Variants in ABCB11 observed in about 807,000 individuals in gnomAD.
ABCB11 encodes the protein ATP binding cassette subfamily B member 11.
A neutral mutation model predicts 148.0 loss-of-function variants in ABCB11; 95 were observed. The ratio of observed to expected loss-of-function variants is 0.64; its 90% CI spans 0.54 to 0.76. ABCB11 has a LOEUF of 0.76. Among genes scored for constraint, ABCB11 ranks in the 30% least tolerant of loss-of-function variants. The probability of loss-of-function intolerance (pLI) is 0.00; values close to 1 mark genes in which losing one functional copy is unlikely to be tolerated. For missense variants in ABCB11, 1,523 were observed against 1,617.8 expected (o/e 0.94, Z 1.01); for synonymous variants, 591 against 555.4 (o/e 1.06, Z -0.90).
chr2:169,019,475 A>G (rs1695474513), intron 1 of ABCB11, among the ~76,000 whole-genome samples: 2 of 152,196 alleles, frequency 1.3e-5, no homozygotes. Context: ...TCCCATGTAT[A>G]CCAAAATTTG....
chr2:168,975,835 G>T (rs1419626376), intron 12 of ABCB11, among the ~76,000 whole-genome samples: 2 of 149,308 alleles, frequency 1.3e-5, no homozygotes, highest in African/African-American at 4.9e-5. Context: ...TAGGTATGTG[G>T]TGTCAGAATT....
intron 18 of ABCB11, among the ~76,000 whole-genome samples, chr2:168,961,147 C>T (rs1283257986): frequency 6.6e-6 from 1 of 151,682 alleles, no homozygotes; most frequent in African/African-American, 2.4e-5. Context: ...ATACATGCAA[C>T]AAGAGATTTA....
chr2:168,983,243 T>A (rs149771908), intron 10 of ABCB11, among the ~76,000 whole-genome samples: 15 of 152,300 alleles, frequency 9.8e-5, no homozygotes, highest in African/African-American at 3.1e-4. Context: ...ATAAGTTTTC[T>A]CAATGCTTGT....
intron 3 of ABCB11, among the ~76,000 whole-genome samples, chr2:169,014,959 C>T (rs1695308774): frequency 6.6e-6 from 1 of 152,158 alleles, no homozygotes; most frequent in South Asian, 2.1e-4. Flanking sequence ...CTGGACCTTG[C>T]TGTCACCAGG....
chr2:168,930,025 G>A (rs575513973), intron 25 of ABCB11, among the ~76,000 whole-genome samples: 1 of 152,094 alleles, frequency 6.6e-6, no homozygotes, highest in Non-Finnish European at 1.5e-5. Context: ...AAGCAGGGGG[G>A]TGGCTTTTTA....
chr2:168,978,792 C>T (rs1694026465), intron 11 of ABCB11, among the ~76,000 whole-genome samples: 1 of 152,124 alleles, frequency 6.6e-6, no homozygotes. Context: ...AATCATGGCT[C>T]ACTGCAGCCT....
chr2:168,944,721 G>A lies in ABCB11; in HGVS notation c.2494C>T (p.Arg832Cys), dbSNP rs772294884. Residue 832 changes from arginine to cysteine, a missense_variant, in exon 21 of 28, where the codon CGT (arginine) becomes TGT (cysteine). By Grantham distance (180) the Arg-to-Cys change is radical (BLOSUM62 -3). Coordinates refer to ENST00000650372, the MANE Select transcript of ABCB11 (RefSeq NM_003742.4). ...AGCATTGCCCTGAAACCAAATTTAC[G>A]TAGCCTTTTTGTTAGGAGCTCCCCA... ...KSGELLTKRL[R>C]KFGFRAMLGQ... 5.6e-6 allele frequency: 9 copies of A among 1,612,638 alleles called. No homozygotes were observed. Among genetic ancestry groups the A allele is most frequent in the East Asian group, 2.2e-5 (1 of 44,844 alleles).
At position 169,016,781 on chromosome 2, in the gene ABCB11, G is replaced by T; in HGVS notation, c.95C>A (p.Ser32Ter). The change falls in exon 3 of 28, where the codon TCA (serine) becomes TAA (stop). Residue 32 changes from serine to a stop codon, truncating the protein, a stop_gained. Coordinates refer to ENST00000650372, the MANE Select transcript of ABCB11 (RefSeq NM_003742.4). LOFTEE classifies it high-confidence loss of function. ...ATTGTTGAAATCAGTCACTTACCTT[G>T]ATTTCTTATCATTATTATCTGTCAG... ...SDKSYNNDKK[S>*]RLQDEKKGDG... 6.3e-7 allele frequency: 1 copy of T among 1,596,414 alleles called. No individual in the cohort carries two copies. Among genetic ancestry groups the T allele is most frequent in the South Asian group, 1.1e-5 (1 of 88,084 alleles).
chr2:169,029,878 C>A (rs111737369), intron 1 of ABCB11, among the ~76,000 whole-genome samples: 2,101 of 145,500 alleles, frequency 0.014, 149 homozygotes, highest in African/African-American at 0.052. Flanking sequence ...GTAGCTGGGA[C>A]TACAGGCGCC....
chr2:168,963,483 C>G (rs1156543909), intron 18 of ABCB11, among the ~76,000 whole-genome samples: 2 of 151,748 alleles, frequency 1.3e-5, no homozygotes, highest in South Asian at 2.1e-4. Flanking sequence ...TGAGGAAAGG[C>G]TTGGAGGAGA....
At chr2:169,009,225 TG>T (rs1695107668) in intron 5 of ABCB11, among the ~76,000 whole-genome samples, 1 of 152,196 alleles carries the variant, frequency 6.6e-6, no homozygotes, top group South Asian at 2.1e-4. Context: ...ATCCCATTAC[TG>T]GGTATATACC....
At chr2:168,946,479 A>G (rs1692327598) in intron 19 of ABCB11, among the ~76,000 whole-genome samples, 1 of 151,854 alleles carries the variant, frequency 6.6e-6, no homozygotes, top group African/African-American at 2.4e-5. Flanking sequence ...TAGGGCCTTC[A>G]TGGTGCTCAA....
chr2:168,967,367 C>G (rs1693365141), intron 17 of ABCB11, among the ~76,000 whole-genome samples: 1 of 151,784 alleles, frequency 6.6e-6, no homozygotes, highest in African/African-American at 2.4e-5. Context: ...GATAGGAAAA[C>G]CCAAGTCTGA....
chr2:168,935,487 C>A (rs1691779785), intron 22 of ABCB11, 62 bp from the exon 23 acceptor site: 1 of 1,548,728 alleles, frequency 6.5e-7, no homozygotes, highest in Non-Finnish European at 8.7e-7. Flanking sequence ...CGTGACATTT[C>A]AGTGGCTGCC....
At chr2:168,977,097 T>G (rs906612280) in intron 11 of ABCB11, among the ~76,000 whole-genome samples, 1 of 148,556 alleles carries the variant, frequency 6.7e-6, no homozygotes, top group Admixed American at 6.8e-5. Flanking sequence ...TGCCATTATA[T>G]AATAATACAT....
At chr2:168,929,597 A>C (rs976335741) in intron 25 of ABCB11, among the ~76,000 whole-genome samples, 57 of 152,364 alleles carry the variant, frequency 3.7e-4, no homozygotes, top group African/African-American at 1.3e-3. Context: ...AATTCTTGAT[A>C]AAAGTGCAGT....
chr2:168,932,315 C>T (rs1691605472), intron 24 of ABCB11, 62 bp downstream of exon 24: 1 of 1,366,942 alleles, frequency 7.3e-7, no homozygotes, highest in Admixed American at 2.1e-5. Flanking sequence ...AGCTTCATCC[C>T]TGTCCCTGCA....
chr2:169,026,952 G>A (rs1324251933), intron 1 of ABCB11, among the ~76,000 whole-genome samples: 3 of 151,964 alleles, frequency 2.0e-5, no homozygotes, highest in Non-Finnish European at 2.9e-5. Context: ...CTACTGTCTC[G>A]GCCATTAGCT....
intron 5 of ABCB11, among the ~76,000 whole-genome samples, chr2:169,010,099 C>T (rs150783490): frequency 9.2e-5 from 14 of 152,272 alleles, no homozygotes; most frequent in Non-Finnish European, 1.6e-4. Context: ...AATATTCACA[C>T]TTGTTTAGAC....
Sources: allele counts gnomAD v4.1 joint callset (sites outside exome capture counted in the v4.1 genomes callset), GRCh38; gene constraint gnomAD v4.1.1; transcripts MANE v1.5; gene names NCBI Gene and HGNC (gene_info 2026-07-23, HGNC 2026-07-21).